The following SEMA4A variants were observed in gnomAD, a reference collection of about 807,000 sequenced individuals.
The protein encoded by SEMA4A is semaphorin 4A.
Under a neutral mutation model 72.5 loss-of-function variants are expected in SEMA4A, and 52 were observed. The observed-to-expected ratio is 0.72, with a 90% CI of 0.57 to 0.90. The LOEUF (loss-of-function observed/expected upper bound fraction) is 0.90. Among genes scored for constraint, SEMA4A ranks in the 40% least tolerant of loss-of-function variants. The pLI is 0.00. For synonymous variants in SEMA4A, 369 were observed against 393.1 expected (o/e 0.94, Z 0.73); for missense variants, 926 against 959.7 (o/e 0.96, Z 0.46).
upstream of SEMA4A, among the ~76,000 whole-genome samples, chr1:156,150,547 G>C (rs564615202): frequency 1.3e-4 from 20 of 152,136 alleles, no homozygotes; most frequent in Middle Eastern, 3.4e-3. Context: ...AAAGGGAGGA[G>C]GTGGGGGAAA....
Position 156,163,213 on chromosome 1 carries a change from G to A in SEMA4A, c.1134+119G>A, listed in dbSNP as rs563307161. On this transcript the variant is annotated intron_variant, in intron 10 of 14. Coordinates refer to ENST00000368285, the MANE Select transcript of SEMA4A (RefSeq NM_022367.4). ...TAGTGCTCTCCACCCCACCAATCTC[G>A]CCTGCTCAGACGTACACCTGGTATA... is the stretch of plus-strand genomic sequence containing the variant. 4.7e-4 allele frequency: 550 copies of A among 1,169,166 alleles called. 2 individuals are homozygous for A. In the African/African-American group the frequency reaches 7.4e-3, roughly 16 times the overall value. The allele number at this position is 1,169,166 out of a possible 1,614,324, so 72.4% of individuals were successfully genotyped here.
chr1:156,156,907 AT>A (rs1367151551), intron 3 of SEMA4A, among the ~76,000 whole-genome samples: 1 of 151,854 alleles, frequency 6.6e-6, no homozygotes, highest in Non-Finnish European at 1.5e-5. Context: ...TGCCAGGCTA[AT>A]TTTAATAGAG....
intron 6 of SEMA4A, among the ~76,000 whole-genome samples, chr1:156,159,208 C>G (rs1419826579): frequency 6.6e-6 from 1 of 152,000 alleles, no homozygotes; most frequent in Non-Finnish European, 1.5e-5. Context: ...GTAGGGCGCA[C>G]CTATGGTCCC....
chr1:156,156,749 T>C (rs1225002820), intron 3 of SEMA4A, among the ~76,000 whole-genome samples, 175 bp downstream of exon 3: 1 of 150,514 alleles, frequency 6.6e-6, no homozygotes, highest in African/African-American at 2.4e-5. Context: ...GCCTCACTTT[T>C]TTTTTTTTTT....
Position 156,175,844 on chromosome 1 carries a change from C to G in SEMA4A, c.1693+188C>G, listed in dbSNP as rs117965687. ...TAGGAATTCTGAGCTGGAGGCCAAG[C>G]TGGGATTCAGGATTGAGGTTGCAGT... On this transcript the variant is annotated intron_variant, in intron 14 of 14. Coordinates refer to ENST00000368285, the MANE Select transcript of SEMA4A (RefSeq NM_022367.4). 3.3e-5 allele frequency among the ~76,000 whole-genome samples: 5 copies of G among 152,278 alleles called. 1 individual carries two copies. The East Asian group carries it at 9.6e-4, about 29-fold the overall frequency.
intron 10 of SEMA4A, among the ~76,000 whole-genome samples, chr1:156,168,703 C>A (rs1032034538): frequency 3.9e-5 from 6 of 152,104 alleles, no homozygotes; most frequent in African/African-American, 1.4e-4. Context: ...TAAGTCTTGG[C>A]AATTTGGTCT....
intron 10 of SEMA4A, among the ~76,000 whole-genome samples, chr1:156,170,002 C>T (rs915510018): frequency 1.3e-4 from 20 of 149,226 alleles, no homozygotes; most frequent in Admixed American, 4.0e-4. Context: ...TCCAGCCTGG[C>T]GACACAGCAA....
Position 156,175,115 on chromosome 1 carries a change from T to A in SEMA4A, c.1464T>A (p.Gly488=). ...QGAVFVGFSG[G]VWRVPRANCS... ...CAGTGTTTGTAGGCTTCTCAGGAGG[T>A]GTCTGGAGGGTGCCCCGAGCCAACT... The change falls in exon 13 of 15, where the codon GGT becomes GGA. Residue 488 remains glycine, a synonymous_variant. Transcript: ENST00000368285. 1.9e-6 allele frequency: 3 copies of A among 1,613,894 alleles called. No individual in the cohort carries two copies. The highest frequency in any genetic ancestry group is 2.5e-6 in the Non-Finnish European group (3 of 1,179,972).
intron 6 of SEMA4A, 63 bp downstream of exon 6, chr1:156,158,887 G>A (rs1329407002): frequency 1.4e-6 from 2 of 1,385,662 alleles, no homozygotes; most frequent in East Asian, 2.3e-5. Context: ...TGTGAAATAT[G>A]GAATATTACA....
At chr1:156,158,325 C>A in intron 4 of SEMA4A, 63 bp from the exon 5 acceptor site, 1 of 1,391,888 alleles carries the variant, frequency 7.2e-7, no homozygotes, top group Non-Finnish European at 1.0e-6. Context: ...GAGGGGGCAG[C>A]CTCTGGGGGT....
Position 156,160,477 on chromosome 1 carries a change from C to T in SEMA4A, c.603C>T (p.Phe201=), listed in dbSNP as rs887202270. 3 of 1,613,946 alleles carry T rather than the reference C, an allele frequency of 1.9e-6. No homozygotes were observed. The highest frequency in any genetic ancestry group is 1.7e-6 in the Non-Finnish European group (2 of 1,179,990). The change falls in exon 7 of 15, where the codon TTC becomes TTT. Residue 201 remains phenylalanine, a synonymous_variant. Coordinates refer to ENST00000368285, the MANE Select transcript of SEMA4A (RefSeq NM_022367.4). ...GMLYSGTMNN[F]LGSEPILMRT... is the part of the protein sequence containing the mutation. Reference sequence around the variant, plus strand: ...TCTATTCTGGTACTATGAACAACTTCCTGGGCAGTGAGCCCATCCTGATGC... The same window carrying T: ...TCTATTCTGGTACTATGAACAACTTTCTGGGCAGTGAGCCCATCCTGATGC...
rs1022219484 is a variant in SEMA4A, at chr1:156,156,453, G to A, written c.179G>A (p.Gly60Asp). 3 of 1,614,030 alleles carry A rather than the reference G, an allele frequency of 1.9e-6. No homozygotes were observed. The highest frequency in any genetic ancestry group is 2.5e-6 in the Non-Finnish European group (3 of 1,180,022). Residue 60 changes from glycine (G) to aspartate (D), a missense_variant, in exon 3 of 15, where the codon GGC becomes GAC. Transcript: ENST00000368285. ...GCACTTAGCTTCTTCCACCAGAAGG[G>A]CCTCCAGGATTTTGACACTCTGCTC... ...RRALSFFHQK[G>D]LQDFDTLLLS...
At chr1:156,171,564 A>G (rs1654775722) in intron 10 of SEMA4A, among the ~76,000 whole-genome samples, 1 of 152,094 alleles carries the variant, frequency 6.6e-6, no homozygotes, top group Non-Finnish European at 1.5e-5. Context: ...AGACATGAGT[A>G]AAACTTGGTC....
At chr1:156,156,874 G>A (rs558499619) in intron 3 of SEMA4A, among the ~76,000 whole-genome samples, 10 of 151,692 alleles carry the variant, frequency 6.6e-5, no homozygotes, top group Non-Finnish European at 1.3e-4. Flanking sequence ...CTCCCAAGTA[G>A]CTGGCACTAG....
In SEMA4A at chr1:156,177,190, C is replaced by T; in HGVS notation, c.*193C>T. 1 of 661,400 alleles carries T rather than the reference C, an allele frequency of 1.5e-6. No individual in the cohort carries two copies. Among genetic ancestry groups the T allele is most frequent in the Non-Finnish European group, 2.7e-6 (1 of 367,902 alleles). 41.0% of individuals were successfully genotyped at this position (661,400 alleles called of 1,614,324 possible). On this transcript the variant is annotated 3_prime_UTR_variant, in exon 15 of 15. Transcript: ENST00000368285. ...GCAGTCTGCCTCCCCTATGGGACTCCCTTCTACCAAGCACATGAGCTCTCT... is the reference window on the plus strand; with the variant it reads ...GCAGTCTGCCTCCCCTATGGGACTCTCTTCTACCAAGCACATGAGCTCTCT...
intron 10 of SEMA4A, among the ~76,000 whole-genome samples, chr1:156,167,621 G>A (rs979120787): frequency 1.3e-5 from 2 of 152,024 alleles, no homozygotes; most frequent in Non-Finnish European, 2.9e-5. Flanking sequence ...TCTCTGTAGT[G>A]TAGTTTAAGT....
chr1:156,168,413 G>T (rs1478106248), intron 10 of SEMA4A, among the ~76,000 whole-genome samples: 3 of 151,512 alleles, frequency 2.0e-5, no homozygotes, highest in African/African-American at 7.3e-5. Context: ...TAGTAGAGAT[G>T]GGGTTTCACC....
At chr1:156,148,801 CTTTTTTT>C (rs371528689), upstream of SEMA4A, among the ~76,000 whole-genome samples, 285 of 128,744 alleles carry the variant, frequency 2.2e-3, no homozygotes, top group Middle Eastern at 0.012. Context: ...TTTCTTTTTT[CTTTTTTT>C]TTTTTTTTTT....
In SEMA4A at chr1:156,161,402, C is replaced by G. The variant is rs1653642122; in HGVS notation, c.867C>G (p.Ala289=). 1 of 1,610,644 alleles carries G rather than the reference C, an allele frequency of 6.2e-7. No homozygotes were observed. The highest frequency in any genetic ancestry group is 8.5e-7 in the Non-Finnish European group (1 of 1,177,832). ...AGAAGTGGACCACCTTCCTGAAGGCCCAGCTGCTCTGCACCCAGCCGGGGC... is the reference window on the plus strand; with the variant it reads ...AGAAGTGGACCACCTTCCTGAAGGCGCAGCTGCTCTGCACCCAGCCGGGGC... ...LQKKWTTFLK[A]QLLCTQPGQL... The change falls in exon 9 of 15, where the codon GCC becomes GCG. Residue 289 remains alanine (A), a synonymous_variant. Coordinates refer to ENST00000368285, the MANE Select transcript of SEMA4A (RefSeq NM_022367.4).
Sources: gnomAD v4.1 joint callset for allele counts (sites outside exome capture counted in the v4.1 genomes callset) on GRCh38, gnomAD v4.1.1 for gene constraint, MANE v1.5 for transcripts, NCBI Gene and HGNC (gene_info 2026-07-23, HGNC 2026-07-21) for gene names.